The following GNAT3 variants were observed in gnomAD, a reference collection of about 807,000 sequenced individuals.
GNAT3 encodes the protein G protein subunit alpha transducin 3.
Under a neutral mutation model 37.7 loss-of-function variants are expected in GNAT3, and 31 were observed. The ratio of observed to expected loss-of-function variants is 0.82; its 90% CI spans 0.62 to 1.11. The LOEUF (loss-of-function observed/expected upper bound fraction) is 1.11. Ranked by LOEUF, GNAT3 falls within the 50% of genes most tolerant of loss-of-function variation. GNAT3 has a pLI of 0.00. For synonymous variants in GNAT3, 138 were observed against 139.8 expected (o/e 0.99, Z 0.09); for missense variants, 437 against 412.5 (o/e 1.06, Z -0.51).
At chr7:80,507,854 C>T (rs1004294155) in intron 1 of GNAT3, among the ~76,000 whole-genome samples, 1 of 151,820 alleles carries the variant, frequency 6.6e-6, no homozygotes, top group African/African-American at 2.4e-5. Flanking sequence ...ATAAGTGAAA[C>T]CATTTGAAAA....
At chr7:80,487,309 C>G (rs767063092) in intron 3 of GNAT3, among the ~76,000 whole-genome samples, 1 of 152,040 alleles carries the variant, frequency 6.6e-6, no homozygotes, top group African/African-American at 2.4e-5. Context: ...CTCCAAGTTC[C>G]CCTTTTACAC....
intron 7 of GNAT3, among the ~76,000 whole-genome samples, chr7:80,459,098 T>C (rs1790004695): frequency 6.6e-6 from 1 of 152,158 alleles, no homozygotes; most frequent in Non-Finnish European, 1.5e-5. Flanking sequence ...AATCCCAAAA[T>C]ATTTATAAAA....
chr7:80,479,885 AG>A (rs1790364452), intron 3 of GNAT3, among the ~76,000 whole-genome samples: 1 of 152,082 alleles, frequency 6.6e-6, no homozygotes, highest in African/African-American at 2.4e-5. Flanking sequence ...ACATCCCTGT[AG>A]GCATTGTTGA....
chr7:80,491,557 T>C (rs888383108), intron 2 of GNAT3, among the ~76,000 whole-genome samples: 5 of 151,948 alleles, frequency 3.3e-5, no homozygotes, highest in African/African-American at 9.7e-5. Flanking sequence ...TAGTCAGAGA[T>C]AGAGTTAGAA....
intron 3 of GNAT3, among the ~76,000 whole-genome samples, chr7:80,480,027 T>C (rs1379305626): frequency 6.6e-6 from 1 of 152,184 alleles, no homozygotes; most frequent in Non-Finnish European, 1.5e-5. Flanking sequence ...AGAAGTTTAC[T>C]GAGTAAATAC....
chr7:80,511,603 G>A (rs1791065523), intron 1 of GNAT3, among the ~76,000 whole-genome samples: 1 of 151,772 alleles, frequency 6.6e-6, no homozygotes. Flanking sequence ...TTGCCTCCTT[G>A]CTTAACAAAA....
chr7:80,498,611 C>T (rs747434412), intron 1 of GNAT3, among the ~76,000 whole-genome samples: 34 of 152,086 alleles, frequency 2.2e-4, no homozygotes, highest in Non-Finnish European at 4.9e-4. Flanking sequence ...TCATAGTTCA[C>T]AATAGTCATT....
chr7:80,467,143 T>C (rs1790140759), intron 5 of GNAT3, among the ~76,000 whole-genome samples: 1 of 152,144 alleles, frequency 6.6e-6, no homozygotes, highest in Non-Finnish European at 1.5e-5. Flanking sequence ...CAGTGCTCTT[T>C]CAGCATATCA....
intron 3 of GNAT3, among the ~76,000 whole-genome samples, chr7:80,480,840 C>G (rs1163580187): frequency 6.6e-6 from 1 of 152,040 alleles, no homozygotes; most frequent in African/African-American, 2.4e-5. Flanking sequence ...TCGTTATGAC[C>G]TGCATCTTGT....
chr7:80,495,671 G>T (rs532441598), intron 1 of GNAT3, among the ~76,000 whole-genome samples: 3 of 151,886 alleles, frequency 2.0e-5, no homozygotes, highest in Non-Finnish European at 4.4e-5. Flanking sequence ...GTTTTACTAC[G>T]TTGGCTAGGA....
chr7:80,483,262 A>T (rs1295013990), intron 3 of GNAT3, among the ~76,000 whole-genome samples: 2 of 152,100 alleles, frequency 1.3e-5, no homozygotes. Context: ...AACCATAAAT[A>T]ACACTTTATT....
Position 80,462,558 on chromosome 7 carries a change from T to C in GNAT3, c.664A>G (p.Ile222Val), listed in dbSNP as rs907755810. The change falls in exon 6 of 8, where the codon ATA (isoleucine) becomes GTA (valine). Residue 222 changes from isoleucine (I) to valine (V), a missense_variant. Coordinates refer to ENST00000398291, the MANE Select transcript of GNAT3 (RefSeq NM_001102386.3). ...TAGGCACTAAGTGCAGCACAAAATATAATGCATGTAACTCCTTCAAAGCAG... is the reference window on the plus strand; with the variant it reads ...TAGGCACTAAGTGCAGCACAAAATACAATGCATGTAACTCCTTCAAAGCAG... The part of the protein sequence containing the change: ...IHCFEGVTCI[I>V]FCAALSAYDM... The C allele has an allele frequency of 1.2e-6, 2 of 1,613,204 alleles. No homozygotes were observed. The highest frequency in any genetic ancestry group is 1.7e-5 in the Admixed American group (1 of 60,008).
rs1791004236 is a variant in GNAT3, at chr7:80,508,994, C to T, written c.118+2815G>A. Among the ~76,000 whole-genome samples the T allele has an allele frequency of 2.6e-5, 4 of 151,936 alleles. No individual in the cohort carries two copies. In the South Asian group the frequency reaches 8.3e-4, roughly 31 times the overall value. ...ACTACTAAGGTTAAACTGGTTAGTT[C>T]CATGTGACATGTACTCACTGATAAA... On this transcript the variant is annotated intron_variant, in intron 1 of 7. Coordinates refer to ENST00000398291, the MANE Select transcript of GNAT3 (RefSeq NM_001102386.3).
intron 1 of GNAT3, among the ~76,000 whole-genome samples, chr7:80,502,045 A>G (rs1790842660): frequency 1.3e-5 from 2 of 152,036 alleles, no homozygotes; most frequent in Admixed American, 1.3e-4. Context: ...GATAATATTT[A>G]TAGTGCCTAT....
At chr7:80,495,703 G>A (rs778624619) in intron 1 of GNAT3, among the ~76,000 whole-genome samples, 1 of 152,014 alleles carries the variant, frequency 6.6e-6, no homozygotes, top group African/African-American at 2.4e-5. Context: ...TGCTGATCTC[G>A]TGATCTGCCT....
intron 1 of GNAT3, among the ~76,000 whole-genome samples, chr7:80,498,363 A>G (rs1476611163): frequency 6.6e-6 from 1 of 152,178 alleles, no homozygotes; most frequent in Non-Finnish European, 1.5e-5. Context: ...AAATGAAACT[A>G]CATATTAAAA....
intron 1 of GNAT3, among the ~76,000 whole-genome samples, chr7:80,510,223 A>G (rs934531488): frequency 3.3e-5 from 5 of 152,052 alleles, no homozygotes; most frequent in African/African-American, 1.2e-4. Flanking sequence ...CAGCTCTGAT[A>G]TGCTTATCTC....
intron 2 of GNAT3, among the ~76,000 whole-genome samples, chr7:80,494,392 C>T (rs1338135883): frequency 6.6e-6 from 1 of 152,060 alleles, no homozygotes; most frequent in African/African-American, 2.4e-5. Flanking sequence ...TATTGAGAGG[C>T]ACATTTTAAA....
intron 7 of GNAT3, among the ~76,000 whole-genome samples, chr7:80,461,585 AAAAT>A (rs3069523): frequency 5.3e-5 from 8 of 151,436 alleles, no homozygotes; most frequent in African/African-American, 1.4e-4. Context: ...ACTATTTACA[AAAAT>A]AAATAAATAA....
Sources: gnomAD v4.1 joint callset for allele counts (sites outside exome capture counted in the v4.1 genomes callset) on GRCh38, gnomAD v4.1.1 for gene constraint, MANE v1.5 for transcripts, NCBI Gene and HGNC (gene_info 2026-07-23, HGNC 2026-07-21) for gene names.